Variants in PCSK5 observed in about 807,000 individuals in gnomAD.
The protein encoded by PCSK5 is proprotein convertase subtilisin/kexin type 5.
Under a neutral mutation model 233.2 loss-of-function variants are expected in PCSK5, and 129 were observed. That is an observed-to-expected ratio of 0.55 (90% CI 0.48 to 0.64). PCSK5 has a LOEUF of 0.64. PCSK5 is among the 30% of genes least tolerant of loss of function. The pLI is 0.00. For missense variants in PCSK5, 2,076 were observed against 2,430.1 expected (o/e 0.85, Z 3.06); for synonymous variants, 825 against 879.2 (o/e 0.94, Z 1.09).
At chr9:76,229,150 T>C (rs1825993531) in intron 21 of PCSK5, among the ~76,000 whole-genome samples, 1 of 152,222 alleles carries the variant, frequency 6.6e-6, no homozygotes, top group South Asian at 2.1e-4. Context: ...TAACTATGCC[T>C]CTAAATATTG....
intron 7 of PCSK5, among the ~76,000 whole-genome samples, chr9:76,075,832 TTCA>T (rs1363346059): frequency 1.3e-5 from 2 of 152,238 alleles, no homozygotes; most frequent in Non-Finnish European, 2.9e-5. Context: ...AATTTATTTA[TTCA>T]TCATATTAAG....
intron 2 of PCSK5, among the ~76,000 whole-genome samples, chr9:75,933,890 A>G (rs556470169): frequency 6.6e-6 from 1 of 152,348 alleles, no homozygotes; most frequent in East Asian, 1.9e-4. Flanking sequence ...AATTAAAACG[A>G]CGCTAATTTC....
At position 76,114,071 on chromosome 9, in the gene PCSK5, G is replaced by GT. The variant is rs895057894; in HGVS notation, c.1208+6727dup. On this transcript the variant is annotated intron_variant, in intron 9 of 37. Coordinates refer to ENST00000674117, the MANE Select transcript of PCSK5 (RefSeq NM_001372043.1). Reference sequence around the variant, plus strand: ...ACCCTTCCTTTCATATACTCTTAGAGTTTTTTTGTGTATTGGAGTGTTGTA... The same window carrying GT: ...ACCCTTCCTTTCATATACTCTTAGAGTTTTTTTTGTGTATTGGAGTGTTGTA... Among the ~76,000 whole-genome samples the GT allele has an allele frequency of 3.3e-5, 5 of 152,160 alleles. No individual in the cohort carries two copies. The East Asian group carries it at 5.8e-4, about 18-fold the overall frequency.
Position 76,083,179 on chromosome 9 carries a change from A to G in PCSK5, c.894+11281A>G, listed in dbSNP as rs571487276. ...AGCTGAAATTGGGCCATTGCACTCCAGCCTGGGCAACAGAAGCGAGATCTC... is the reference window on the plus strand; with the variant it reads ...AGCTGAAATTGGGCCATTGCACTCCGGCCTGGGCAACAGAAGCGAGATCTC... On this transcript the variant is annotated intron_variant, in intron 7 of 37. Coordinates refer to ENST00000674117, the MANE Select transcript of PCSK5 (RefSeq NM_001372043.1). Among the ~76,000 whole-genome samples, 4 of 141,840 alleles carry G rather than the reference A, an allele frequency of 2.8e-5. No homozygotes were observed. In the East Asian group the frequency reaches 8.5e-4, roughly 30 times the overall value. 93.1% of individuals were successfully genotyped at this position (141,840 alleles called of 152,430 possible).
rs546823327 is a variant in PCSK5 at position 76,082,863 on chromosome 9, G to A, written c.894+10965G>A. Among the ~76,000 whole-genome samples the A allele has an allele frequency of 4.6e-5, 7 of 151,996 alleles. No homozygotes were observed. In the South Asian group the frequency reaches 1.5e-3, roughly 32 times the overall value. The stretch of plus-strand genomic sequence containing the variant: ...AACTTGAAATGGTATCTTTTTCATA[G>A]TCAGAAAAGCCTATATTAAGGTTAC... On this transcript the variant is annotated intron_variant, in intron 7 of 37. Transcript: ENST00000674117.
At chr9:76,040,002 T>A (rs2131526966) in intron 5 of PCSK5, among the ~76,000 whole-genome samples, 1 of 152,342 alleles carries the variant, frequency 6.6e-6, no homozygotes, top group African/African-American at 2.4e-5. Context: ...AAAATAATAA[T>A]TTATCTAGAG....
chr9:76,128,115 G>A (rs907912467), intron 9 of PCSK5, among the ~76,000 whole-genome samples: 1 of 152,136 alleles, frequency 6.6e-6, no homozygotes, highest in Non-Finnish European at 1.5e-5. Context: ...ATTTATACAT[G>A]CTAAGTCCTG....
At chr9:76,336,139 T>C (rs1013533163) in intron 34 of PCSK5, among the ~76,000 whole-genome samples, 1 of 152,192 alleles carries the variant, frequency 6.6e-6, no homozygotes, top group East Asian at 1.9e-4. Context: ...ATAGTAGTCA[T>C]TGTTCTTCAC....
intron 9 of PCSK5, among the ~76,000 whole-genome samples, chr9:76,115,236 T>C (rs1832377857): frequency 6.6e-6 from 1 of 152,110 alleles, no homozygotes; most frequent in Non-Finnish European, 1.5e-5. Context: ...CAAATTTCTC[T>C]GGCAATTATT....
chr9:76,353,326 C>G (rs1393901626), intron 36 of PCSK5, among the ~76,000 whole-genome samples: 2 of 152,208 alleles, frequency 1.3e-5, no homozygotes, highest in Non-Finnish European at 2.9e-5. Flanking sequence ...CCACTCTCTT[C>G]CCAAAGAGAT....
rs1564178599 is a variant in PCSK5 at position 76,321,557 on chromosome 9, C to T, written c.4020C>T (p.Pro1340=). Residue 1340 remains proline, a synonymous_variant, in exon 31 of 38, where the codon CCC becomes CCT. Transcript: ENST00000674117. ...LHHGVCQENC[P]ERHVAVKGVC... is the part of the protein sequence containing the mutation. ...ACGGAGTGTGCCAGGAAAACTGCCC[C>T]GAGAGGCACGTGGCTGTGAAGGGGG... is the stretch of plus-strand genomic sequence containing the variant. The T allele has an allele frequency of 1.9e-5, 30 of 1,612,548 alleles. No individual in the cohort carries two copies. The highest frequency in any genetic ancestry group is 3.3e-5 in the Admixed American group (2 of 60,010).
At chr9:75,933,657 G>A (rs932722244) in intron 2 of PCSK5, among the ~76,000 whole-genome samples, 3 of 152,126 alleles carry the variant, frequency 2.0e-5, no homozygotes, top group South Asian at 2.1e-4. Context: ...CTTGGCTAGC[G>A]AAAGCACATA....
intron 21 of PCSK5, among the ~76,000 whole-genome samples, chr9:76,231,313 C>T (rs1167113138): frequency 6.6e-6 from 1 of 152,152 alleles, no homozygotes; most frequent in East Asian, 1.9e-4. Context: ...TCAGTTACAT[C>T]CCACTTGGTC....
intron 14 of PCSK5, among the ~76,000 whole-genome samples, chr9:76,176,319 T>C (rs1001033057): frequency 2.0e-5 from 3 of 152,218 alleles, no homozygotes; most frequent in Admixed American, 6.5e-5. Flanking sequence ...TAAGTTCTTA[T>C]ACCAGCATCT....
chr9:76,125,057 C>T (rs1832791771), intron 9 of PCSK5, among the ~76,000 whole-genome samples: 1 of 151,966 alleles, frequency 6.6e-6, no homozygotes, highest in South Asian at 2.1e-4. Flanking sequence ...TCTCCTCTTA[C>T]ATTTCTTTTT....
At chr9:76,004,821 A>T (rs1396531161) in intron 3 of PCSK5, among the ~76,000 whole-genome samples, 1 of 152,166 alleles carries the variant, frequency 6.6e-6, no homozygotes, top group South Asian at 2.1e-4. Flanking sequence ...TTTACAGCAC[A>T]ACAGAATGTT....
At chr9:76,341,787 T>C (rs1829844285) in intron 35 of PCSK5, among the ~76,000 whole-genome samples, 1 of 152,228 alleles carries the variant, frequency 6.6e-6, no homozygotes, top group South Asian at 2.1e-4. Context: ...GATGTTCCAG[T>C]ATTCCTGGAA....
At chr9:75,951,086 GT>G (rs1425217439) in intron 2 of PCSK5, among the ~76,000 whole-genome samples, 2 of 152,192 alleles carry the variant, frequency 1.3e-5, no homozygotes, top group Admixed American at 6.5e-5. Context: ...CCAGTAGTTA[GT>G]ATTAACTGAT....
intron 5 of PCSK5, among the ~76,000 whole-genome samples, chr9:76,062,706 T>C (rs1043553736): frequency 4.6e-5 from 7 of 152,228 alleles, no homozygotes; most frequent in African/African-American, 1.7e-4. Flanking sequence ...ATGGGTTATA[T>C]ATGGTATTTC....
Sources: gnomAD v4.1 joint callset for allele counts (sites outside exome capture counted in the v4.1 genomes callset) on GRCh38, gnomAD v4.1.1 for gene constraint, MANE v1.5 for transcripts, NCBI Gene and HGNC (gene_info 2026-07-23, HGNC 2026-07-21) for gene names.